Variants in DPYS observed in about 807,000 individuals in gnomAD.
The protein encoded by DPYS is dihydropyrimidinase.
DPYS carries 39 observed loss-of-function variants against 50.3 expected under a neutral mutation model. The ratio of observed to expected loss-of-function variants is 0.78; its 90% CI spans 0.60 to 1.01. The LOEUF (loss-of-function observed/expected upper bound fraction) is 1.01, where lower values mean the gene tolerates loss of function less well. Ranked by LOEUF, DPYS falls within the 50% of genes least tolerant of loss-of-function variation. The pLI is 0.00. For synonymous variants in DPYS, 245 were observed against 250.7 expected (o/e 0.98, Z 0.22); for missense variants, 659 against 680.9 (o/e 0.97, Z 0.36).
chr8:104,441,140 T>C (rs1202909343), intron 4 of DPYS, among the ~76,000 whole-genome samples: 1 of 152,214 alleles, frequency 6.6e-6, no homozygotes, highest in Non-Finnish European at 1.5e-5. Flanking sequence ...GAAGCAATTT[T>C]GCCTCTTTGA....
At chr8:104,405,092 A>T (rs1044183060) in intron 7 of DPYS, among the ~76,000 whole-genome samples, 8 of 152,232 alleles carry the variant, frequency 5.3e-5, no homozygotes, top group African/African-American at 1.9e-4. Flanking sequence ...GGGAAAAAAA[A>T]GTGACCACTA....
At chr8:104,462,559 G>A (rs1294463562) in intron 1 of DPYS, among the ~76,000 whole-genome samples, 3 of 152,138 alleles carry the variant, frequency 2.0e-5, no homozygotes, top group Admixed American at 1.3e-4. Flanking sequence ...AGAAAAATGT[G>A]TTGCATGGTT....
At chr8:104,451,989 T>C (rs570648398) in intron 1 of DPYS, among the ~76,000 whole-genome samples, 4 of 152,316 alleles carry the variant, frequency 2.6e-5, no homozygotes, top group South Asian at 2.1e-4. Flanking sequence ...AGAGTCCTGA[T>C]TGATCTTCAT....
intron 7 of DPYS, among the ~76,000 whole-genome samples, chr8:104,410,537 C>A (rs1403127052): frequency 6.6e-6 from 1 of 152,118 alleles, no homozygotes; most frequent in Non-Finnish European, 1.5e-5. Context: ...AAGTCCCAGG[C>A]AAACCAGGGT....
At chr8:104,455,270 G>T (rs1460441848) in intron 1 of DPYS, among the ~76,000 whole-genome samples, 2 of 152,228 alleles carry the variant, frequency 1.3e-5, no homozygotes, top group Non-Finnish European at 2.9e-5. Context: ...AACGTGAACT[G>T]CATGAAGAGA....
chr8:104,451,521 T>G, intron 1 of DPYS, 117 bp from the exon 2 acceptor site: 2 of 1,211,504 alleles, frequency 1.7e-6, no homozygotes, highest in Non-Finnish European at 2.4e-6. Context: ...TCCAGGAAAT[T>G]GCAAAAAGAT....
chr8:104,450,708 C>T (rs1366706694), intron 2 of DPYS, among the ~76,000 whole-genome samples: 1 of 152,172 alleles, frequency 6.6e-6, no homozygotes, highest in African/African-American at 2.4e-5. Context: ...GAAGATCACT[C>T]GGTCAAGATA....
intron 4 of DPYS, among the ~76,000 whole-genome samples, chr8:104,437,820 T>C (rs902102087): frequency 1.2e-4 from 18 of 152,202 alleles, no homozygotes; most frequent in African/African-American, 4.1e-4. Flanking sequence ...TTTCCAGTAA[T>C]AGTCTCAATG....
intron 7 of DPYS, among the ~76,000 whole-genome samples, chr8:104,417,720 T>A (rs931424455): frequency 4.0e-4 from 61 of 152,346 alleles, no homozygotes; most frequent in African/African-American, 1.4e-3. Flanking sequence ...TTACACTAAA[T>A]GCAGTTTGTT....
At chr8:104,427,855 G>T in intron 6 of DPYS, 125 bp downstream of exon 6, 1 of 1,392,682 alleles carries the variant, frequency 7.2e-7, no homozygotes, top group Non-Finnish European at 1.0e-6. Context: ...TGCATTCCTA[G>T]TATCCTCCCT....
rs1447932354 is a variant in DPYS, at chr8:104,379,833, G to T, written c.*25C>A. 1 of 456,346 alleles carries T rather than the reference G, an allele frequency of 2.2e-6. No individual in the cohort carries two copies. The highest frequency in any genetic ancestry group is 4.4e-6 in the Non-Finnish European group (1 of 226,922). 28.3% of individuals were successfully genotyped at this position (456,346 alleles called of 1,614,324 possible). On this transcript the variant is annotated 3_prime_UTR_variant, in exon 10 of 10. Transcript: ENST00000351513. ...AGGGAATGGCAGCCTCCTTTCCTCT[G>T]ATTTTTTTACCTTTGAAGAGAATGA...
intron 7 of DPYS, among the ~76,000 whole-genome samples, chr8:104,394,779 C>T (rs1457524139): frequency 2.0e-5 from 3 of 148,708 alleles, no homozygotes; most frequent in Non-Finnish European, 4.4e-5. Flanking sequence ...AAATAAACTG[C>T]TCTCAGTGAG....
intron 7 of DPYS, among the ~76,000 whole-genome samples, chr8:104,416,110 G>C (rs2140591106): frequency 6.6e-6 from 1 of 152,168 alleles, no homozygotes; most frequent in Admixed American, 6.5e-5. Context: ...ATATACCCAA[G>C]GTCACACCCA....
chr8:104,430,344 A>G (rs1324094727), intron 4 of DPYS, among the ~76,000 whole-genome samples: 1 of 149,872 alleles, frequency 6.7e-6, no homozygotes, highest in Non-Finnish European at 1.5e-5. Context: ...TATTTTAAAA[A>G]TCATGCAAAT....
chr8:104,455,460 C>T (rs549107470), intron 1 of DPYS, among the ~76,000 whole-genome samples: 25 of 152,238 alleles, frequency 1.6e-4, no homozygotes, highest in Non-Finnish European at 2.9e-4. Flanking sequence ...ATGAGTGAGA[C>T]GATGGCAGGC....
At position 104,429,409 on chromosome 8, in the gene DPYS, G is replaced by GGTAC. The variant is rs1175111549; in HGVS notation, c.950+135_950+136insGTAC. 4.5e-6 allele frequency: 5 copies of GGTAC among 1,113,906 alleles called. No homozygotes were observed. The East Asian group carries it at 1.2e-4, about 27-fold the overall frequency. The allele number at this position is 1,113,906 out of a possible 1,614,324, so 69.0% of individuals were successfully genotyped here. A position where few individuals can be genotyped will look rare whatever the true frequency, so the allele number is the denominator to read the frequency against. ...CAATGTTTTTTGCTCTGCAGGTGAG[G>GGTAC]GGTACCCAGGACCTGACAGGTCAAG... On this transcript the variant is annotated intron_variant, in intron 5 of 9. Coordinates refer to ENST00000351513, the MANE Select transcript of DPYS (RefSeq NM_001385.3).
At chr8:104,386,845 C>G (rs1329080338) in intron 8 of DPYS, among the ~76,000 whole-genome samples, 1 of 152,078 alleles carries the variant, frequency 6.6e-6, no homozygotes, top group Non-Finnish European at 1.5e-5. Context: ...CCAGGCTAGT[C>G]TTGAACTCCT....
chr8:104,433,313 G>T (rs1327218796), intron 4 of DPYS, among the ~76,000 whole-genome samples: 1 of 152,066 alleles, frequency 6.6e-6, no homozygotes, highest in South Asian at 2.1e-4. Context: ...ATAGCCACAC[G>T]ATTCTATTTT....
intron 7 of DPYS, among the ~76,000 whole-genome samples, chr8:104,413,508 A>G (rs538927821): frequency 6.6e-6 from 1 of 152,148 alleles, no homozygotes; most frequent in African/African-American, 2.4e-5. Context: ...CCTTTTGTTT[A>G]TATTAAATAT....
Sources: gnomAD v4.1 joint callset for allele counts (sites outside exome capture counted in the v4.1 genomes callset) on GRCh38, gnomAD v4.1.1 for gene constraint, MANE v1.5 for transcripts, NCBI Gene and HGNC (gene_info 2026-07-23, HGNC 2026-07-21) for gene names.